The following CES5A variants were observed in gnomAD, a reference collection of about 807,000 sequenced individuals.
The protein encoded by CES5A is carboxylesterase 5.
CES5A carries 67 observed loss-of-function variants against 62.9 expected under a neutral mutation model. The observed-to-expected ratio is 1.07, with a 90% CI of 0.88 to 1.31. The LOEUF (loss-of-function observed/expected upper bound fraction) is 1.31. CES5A is among the 50% of genes most tolerant of loss of function. CES5A has a pLI of 0.00. For synonymous variants in CES5A, 296 were observed against 280.8 expected (o/e 1.05, Z -0.54); for missense variants, 748 against 708.5 (o/e 1.06, Z -0.63).
chr16:55,916,274 T>C (rs2034147920), intron 1 of CES5A, among the ~76,000 whole-genome samples: 1 of 152,202 alleles, frequency 6.6e-6, no homozygotes, highest in African/African-American at 2.4e-5. Flanking sequence ...TTGTGACTCC[T>C]GGAATAATGA....
intron 2 of CES5A, among the ~76,000 whole-genome samples, chr16:55,939,656 C>T (rs144417786): frequency 2.6e-5 from 4 of 151,864 alleles, no homozygotes; most frequent in Non-Finnish European, 4.4e-5. Context: ...TGAAAAACAC[C>T]ATCAACAAAT....
chr16:55,918,515 T>C (rs1433542698), intron 1 of CES5A, among the ~76,000 whole-genome samples: 1 of 152,216 alleles, frequency 6.6e-6, no homozygotes, highest in Non-Finnish European at 1.5e-5. Flanking sequence ...TCACTAATCC[T>C]TACCAACTTC....
At chr16:55,907,393 A>G (rs907984632) in intron 1 of CES5A, among the ~76,000 whole-genome samples, 2 of 152,222 alleles carry the variant, frequency 1.3e-5, no homozygotes, top group African/African-American at 4.8e-5. Flanking sequence ...GCCACTGTAT[A>G]GTGAGGATTC....
upstream of CES5A, among the ~76,000 whole-genome samples, chr16:55,927,745 T>C (rs995022354): frequency 1.6e-4 from 24 of 152,282 alleles, no homozygotes; most frequent in South Asian, 8.3e-4. Context: ...AGATCTACCA[T>C]TTGATCCAGC....
chr16:55,924,579 G>A (rs1160847135), intron 1 of CES5A, among the ~76,000 whole-genome samples: 3 of 151,710 alleles, frequency 2.0e-5, no homozygotes, highest in Non-Finnish European at 4.4e-5. Context: ...ATTCTGAAAT[G>A]TATATGGAAT....
At chr16:55,856,543 G>A in intron 8 of CES5A, 98 bp from the exon 9 acceptor site, 1 of 1,095,438 alleles carries the variant, frequency 9.1e-7, no homozygotes, top group Non-Finnish European at 1.4e-6. Context: ...AGGGGAAGTT[G>A]GATAAGGAGC....
chr16:55,878,609 C>A (rs1364027851), upstream of CES5A, among the ~76,000 whole-genome samples: 1 of 148,494 alleles, frequency 6.7e-6, no homozygotes, highest in Middle Eastern at 3.4e-3. Context: ...CCACTGCACC[C>A]CATCACTGCA....
At chr16:55,951,590 T>C (rs913310408) in intron 1 of CES5A, among the ~76,000 whole-genome samples, 2 of 152,078 alleles carry the variant, frequency 1.3e-5, no homozygotes, top group Admixed American at 6.5e-5. Flanking sequence ...AGGTTAAAAA[T>C]AGAATACTGG....
At chr16:55,873,189 C>T (rs1184437994) in intron 2 of CES5A, among the ~76,000 whole-genome samples, 16 of 152,128 alleles carry the variant, frequency 1.1e-4, no homozygotes, top group African/African-American at 3.6e-4. Flanking sequence ...TCACCTCACC[C>T]CTCCACAATT....
intron 2 of CES5A, among the ~76,000 whole-genome samples, chr16:55,938,263 G>A (rs1229848605): frequency 6.6e-6 from 1 of 152,138 alleles, no homozygotes; most frequent in Non-Finnish European, 1.5e-5. Flanking sequence ...GCCAGCAGAT[G>A]CAGACTTGCA....
At chr16:55,939,995 T>C (rs1469701240) in intron 2 of CES5A, among the ~76,000 whole-genome samples, 1 of 151,728 alleles carries the variant, frequency 6.6e-6, no homozygotes. Flanking sequence ...ATACAGCCTA[T>C]CAAAATTTGT....
chr16:55,918,180 C>A (rs1416736149), intron 1 of CES5A, among the ~76,000 whole-genome samples: 1 of 152,116 alleles, frequency 6.6e-6, no homozygotes, highest in Non-Finnish European at 1.5e-5. Context: ...GTAGGTCTCG[C>A]TGACCAACAT....
chr16:55,864,761 T>C lies in CES5A; in HGVS notation c.705+1202A>G, dbSNP rs137855643. On this transcript the variant is annotated intron_variant, in intron 5 of 12. Coordinates refer to ENST00000290567, the MANE Select transcript of CES5A (RefSeq NM_001143685.2). ...ATTTTAAAAAATAAAAAAAAAGAAT[T>C]AGCTGGGCATGGTGGCGCATGCCTG... Among the ~76,000 whole-genome samples, 429 of 152,120 alleles carry C rather than the reference T, an allele frequency of 2.8e-3. 1 individual carries two copies. The highest frequency in any genetic ancestry group is 4.9e-3 in the Non-Finnish European group (335 of 67,998).
At chr16:55,851,589 A>G (rs116500927) in intron 10 of CES5A, among the ~76,000 whole-genome samples, 384 of 152,366 alleles carry the variant, frequency 2.5e-3, no homozygotes, top group South Asian at 0.023. Flanking sequence ...GAACAACATG[A>G]CAGTTCTTCA....
chr16:55,863,430 C>T lies in CES5A; in HGVS notation c.728G>A (p.Gly243Asp). The change falls in exon 6 of 13, where the codon GGC becomes GAC. Residue 243 changes from glycine (G) to aspartate (D), a missense_variant. Physicochemically the swap from Gly to Asp is moderately conservative, Grantham distance 94. Coordinates refer to ENST00000290567, the MANE Select transcript of CES5A (RefSeq NM_001143685.2). Reference protein sequence around the residue: ...SSLILSPMAKGLFHKAIMESG... With the variant: ...SSLILSPMAKDLFHKAIMESG... Reference sequence around the variant, plus strand: ...CTCCATGATGGCTTTGTGGAATAAGCCTTTGGCCATGGGAGACAGTATCTG... The same window carrying T: ...CTCCATGATGGCTTTGTGGAATAAGTCTTTGGCCATGGGAGACAGTATCTG... 1.2e-6 allele frequency: 2 copies of T among 1,603,584 alleles called. No homozygotes were observed.
At chr16:55,950,397 A>T (rs1220660488) in intron 1 of CES5A, among the ~76,000 whole-genome samples, 2 of 152,244 alleles carry the variant, frequency 1.3e-5, no homozygotes, top group African/African-American at 4.8e-5. Context: ...TTCTCATGCA[A>T]GGGAATGTAG....
At chr16:55,955,760 G>T in intron 1 of CES5A, 1 of 1,441,748 alleles carries the variant, frequency 6.9e-7, no homozygotes, top group Non-Finnish European at 9.4e-7. Flanking sequence ...GGGTAAATTT[G>T]CATCTAATCT....
chr16:55,874,092 GC>G, intron 1 of CES5A, 55 bp from the exon 2 acceptor site: 1 of 1,490,042 alleles, frequency 6.7e-7, no homozygotes, highest in Non-Finnish European at 9.1e-7. Flanking sequence ...CAGGGCAATG[GC>G]CCACCCAGTC....
At chr16:55,942,810 GT>G (rs1388041607) in intron 2 of CES5A, among the ~76,000 whole-genome samples, 1 of 152,158 alleles carries the variant, frequency 6.6e-6, no homozygotes, top group Admixed American at 6.5e-5. Context: ...ACAAATAGTG[GT>G]ATGTCCATAC....
Sources: allele counts gnomAD v4.1 joint callset (sites outside exome capture counted in the v4.1 genomes callset), GRCh38; gene constraint gnomAD v4.1.1; transcripts MANE v1.5; gene names NCBI Gene and HGNC (gene_info 2026-07-23, HGNC 2026-07-21).